NALCN: variants seen among roughly 807,000 people sequenced by gnomAD.
The protein encoded by NALCN is sodium leak channel NALCN.
A neutral mutation model predicts 225.3 loss-of-function variants in NALCN; 111 were observed. The ratio of observed to expected loss-of-function variants is 0.49; its 90% CI spans 0.42 to 0.58. The LOEUF (loss-of-function observed/expected upper bound fraction) is 0.58. NALCN is among the 20% of genes least tolerant of loss of function. The pLI is 0.00. For synonymous variants in NALCN, 764 were observed against 769.0 expected (o/e 0.99, Z 0.11); for missense variants, 1,378 against 2,202.4 (o/e 0.63, Z 7.49).
intron 6 of NALCN, among the ~76,000 whole-genome samples, chr13:101,359,053 G>A (rs1195277133): frequency 1.3e-5 from 2 of 152,044 alleles, no homozygotes; most frequent in African/African-American, 4.8e-5. Context: ...GGGAGGGAGA[G>A]CATTAGGACA....
intron 10 of NALCN, among the ~76,000 whole-genome samples, chr13:101,281,103 A>G (rs2043153935): frequency 6.6e-6 from 1 of 151,628 alleles, no homozygotes; most frequent in Non-Finnish European, 1.5e-5. Context: ...CTGGTCTCAA[A>G]CTCATGACCT....
chr13:101,244,048 T>C (rs2041819463), intron 11 of NALCN, among the ~76,000 whole-genome samples: 1 of 36,274 alleles, frequency 2.8e-5, no homozygotes, highest in Admixed American at 2.2e-4. Context: ...GAAACTGAAA[T>C]TGATGTGTCA....
chr13:101,386,680 G>C (rs1022729691), intron 3 of NALCN, among the ~76,000 whole-genome samples: 1 of 151,938 alleles, frequency 6.6e-6, no homozygotes, highest in Non-Finnish European at 1.5e-5. Flanking sequence ...GCTTTGACAC[G>C]TTTGTTTTGA....
intron 10 of NALCN, among the ~76,000 whole-genome samples, chr13:101,281,352 C>T (rs2043162058): frequency 6.6e-6 from 1 of 152,200 alleles, no homozygotes; most frequent in African/African-American, 2.4e-5. Context: ...GGAGACTGTG[C>T]ATGTTTCTTT....
intron 15 of NALCN, among the ~76,000 whole-genome samples, chr13:101,149,433 C>T (rs1424185352): frequency 2.0e-5 from 3 of 152,184 alleles, no homozygotes; most frequent in African/African-American, 7.2e-5. Flanking sequence ...GGGTTTCACC[C>T]GCATTCTAAT....
At chr13:101,101,309 G>A (rs2139599987) in intron 26 of NALCN, among the ~76,000 whole-genome samples, 1 of 125,996 alleles carries the variant, frequency 7.9e-6, no homozygotes, top group East Asian at 2.3e-4. Flanking sequence ...GAGATGGAGT[G>A]CCACTCTGTC....
Position 101,128,702 on chromosome 13 carries a change from C to T in NALCN, c.2119-4021G>A, listed in dbSNP as rs889709967. On this transcript the variant is annotated intron_variant, in intron 17 of 43. Transcript: ENST00000251127. ...CCTTCTGAGTAGCTGGGACTACAGG[C>T]GTGTGCCATCACATATAGCTAAGTA... Among the ~76,000 whole-genome samples the T allele has an allele frequency of 4.9e-4, 75 of 151,968 alleles. 1 individual carries two copies. The highest frequency in any genetic ancestry group is 1.7e-3 in the African/African-American group (70 of 41,434).
intron 6 of NALCN, among the ~76,000 whole-genome samples, chr13:101,367,423 T>C (rs1197109325): frequency 6.6e-6 from 1 of 152,138 alleles, no homozygotes; most frequent in Non-Finnish European, 1.5e-5. Flanking sequence ...CTAATTATTA[T>C]TATTATTACT....
chr13:101,351,695 T>C (rs2045912747), intron 6 of NALCN, among the ~76,000 whole-genome samples: 2 of 152,160 alleles, frequency 1.3e-5, no homozygotes, highest in Non-Finnish European at 2.9e-5. Context: ...TTTCCAGCTG[T>C]TTAAAAAACA....
chr13:101,260,675 T>A (rs1169821617), intron 10 of NALCN, among the ~76,000 whole-genome samples: 1 of 152,226 alleles, frequency 6.6e-6, no homozygotes, highest in Non-Finnish European at 1.5e-5. Flanking sequence ...TGTCTTCTTT[T>A]GAGAAATGTC....
At chr13:101,061,179 T>C (rs2031905470) in intron 41 of NALCN, among the ~76,000 whole-genome samples, 1 of 152,202 alleles carries the variant, frequency 6.6e-6, no homozygotes, top group African/African-American at 2.4e-5. Context: ...ATTTATGAGT[T>C]AGAGAATCTT....
intron 42 of NALCN, chr13:101,058,424 G>GTTTTTAAT: frequency 1.0e-4 from 17 of 163,282 alleles, no homozygotes; most frequent in Non-Finnish European, 1.8e-4. Context: ...GGCTGGGCGG[G>GTTTTTAAT]GGCAGTCTAC....
chr13:101,104,512 T>C lies in NALCN; in HGVS notation c.2757+18A>G, dbSNP rs79443234. 1,830 of 1,613,850 alleles carry C rather than the reference T, an allele frequency of 1.1e-3. 18 individuals carry two copies. The African/African-American group carries it at 0.02, about 18-fold the overall frequency. ...ACCTCCTAGTTGTAAGCTGAGATTTTGCAGCGGTAAGCGGTACCTGCAAAG... is the reference window on the plus strand; with the variant it reads ...ACCTCCTAGTTGTAAGCTGAGATTTCGCAGCGGTAAGCGGTACCTGCAAAG... On this transcript the variant is annotated intron_variant, in intron 24 of 43. Transcript: ENST00000251127. The surrounding 1 kb of genome is among the most constrained non-coding windows in gnomAD (Gnocchi z 4.2).
chr13:101,336,594 C>T (rs999796658), intron 7 of NALCN, among the ~76,000 whole-genome samples: 11 of 152,150 alleles, frequency 7.2e-5, no homozygotes, highest in South Asian at 4.1e-4. Flanking sequence ...TCCTGTGGAG[C>T]TGACGACTTG....
Position 101,285,365 on chromosome 13 carries a change from T to G in NALCN, c.1048-1346A>C, listed in dbSNP as rs1405609622. Among the ~76,000 whole-genome samples, 3 of 152,024 alleles carry G rather than the reference T, an allele frequency of 2.0e-5. No homozygotes were observed. The East Asian group carries it at 5.8e-4, about 29-fold the overall frequency. ...CCCAGGCTGGAGTGTAGGGGCGTGA[T>G]CTCCACTCACTCCAACCTCCACCTC... On this transcript the variant is annotated intron_variant, in intron 9 of 43. Transcript: ENST00000251127.
At chr13:101,126,745 C>A (rs973654701) in intron 17 of NALCN, among the ~76,000 whole-genome samples, 8 of 152,240 alleles carry the variant, frequency 5.3e-5, no homozygotes, top group Middle Eastern at 3.4e-3. Flanking sequence ...CCTGCCTCAG[C>A]CTCCCAAAGT....
chr13:101,237,693 G>T, intron 12 of NALCN, 62 bp downstream of exon 12: 1 of 1,049,850 alleles, frequency 9.5e-7, no homozygotes, highest in Non-Finnish European at 1.3e-6. Context: ...AAAATAATGT[G>T]ACAGGTATTT....
intron 12 of NALCN, among the ~76,000 whole-genome samples, chr13:101,230,778 G>A (rs539038703): frequency 3.2e-4 from 48 of 152,138 alleles, no homozygotes; most frequent in African/African-American, 1.2e-3. Context: ...TGTAAGTTTT[G>A]TATTTTTGGA....
intron 26 of NALCN, among the ~76,000 whole-genome samples, chr13:101,102,625 G>A (rs188633148): frequency 6.6e-6 from 1 of 152,288 alleles, no homozygotes; most frequent in Admixed American, 6.5e-5. Context: ...AGTACGTTTT[G>A]CCCCCTCAAT....
Sources: allele counts gnomAD v4.1 joint callset (sites outside exome capture counted in the v4.1 genomes callset), GRCh38; gene constraint gnomAD v4.1.1; non-coding constraint Gnocchi (gnomAD v3.1); transcripts MANE v1.5; gene names NCBI Gene and HGNC (gene_info 2026-07-23, HGNC 2026-07-21).